Variants in SLC30A5 observed in about 807,000 individuals in gnomAD.
SLC30A5 encodes the protein solute carrier family 30 member 5, also known as proton-coupled zinc antiporter SLC30A5.
A neutral mutation model predicts 79.6 loss-of-function variants in SLC30A5; 33 were observed. The ratio of observed to expected loss-of-function variants is 0.41; its 90% CI spans 0.31 to 0.55. SLC30A5 has a LOEUF of 0.55. Among genes scored for constraint, SLC30A5 ranks in the 20% least tolerant of loss-of-function variants. SLC30A5 has a pLI of 0.20. For synonymous variants in SLC30A5, 299 were observed against 319.7 expected (o/e 0.94, Z 0.69); for missense variants, 788 against 928.1 (o/e 0.85, Z 1.96).
intron 6 of SLC30A5, among the ~76,000 whole-genome samples, chr5:69,114,038 C>G (rs1243670721): frequency 6.6e-6 from 1 of 152,148 alleles, no homozygotes; most frequent in East Asian, 1.9e-4. Flanking sequence ...TAAAGGGCAA[C>G]CTTAATTCCA....
Position 69,121,844 on chromosome 5 carries a change from C to T in SLC30A5, c.1720C>T (p.His574Tyr). 1.2e-6 allele frequency: 2 copies of T among 1,613,758 alleles called. No homozygotes were observed. The highest frequency in any genetic ancestry group is 1.1e-5 in the South Asian group (1 of 91,008). ...TATGCATGGACACAGTGACCATGGG[C>T]ATGGTCACAGCCACGGATCTGCGGG... ...HHMHGHSDHG[H>Y]GHSHGSAGGG... Residue 574 changes from histidine (H) to tyrosine (Y), a missense_variant, in exon 13 of 16, where the codon CAT becomes TAT. Transcript: ENST00000396591.
intron 2 of SLC30A5, among the ~76,000 whole-genome samples, chr5:69,102,050 C>CTT (rs758327246): frequency 0.014 from 1,360 of 99,366 alleles, 6 homozygotes; most frequent in Non-Finnish European, 0.017. Context: ...CAGTGACGTG[C>CTT]TTTTTTTTTT....
chr5:69,121,428 C>A (rs752797216), intron 12 of SLC30A5, among the ~76,000 whole-genome samples: 5 of 151,980 alleles, frequency 3.3e-5, no homozygotes, highest in Non-Finnish European at 5.9e-5. Context: ...AACCATAAAC[C>A]AAGTACATAC....
Position 69,116,743 on chromosome 5 carries a change from G to A in SLC30A5, c.1281+141G>A, listed in dbSNP as rs1287070462. ...AAATTTTTTCTAAGTATAATAGCAA[G>A]ATTACGAGATCATATTCAGATTCCT... On this transcript the variant is annotated intron_variant, in intron 10 of 15. Coordinates refer to ENST00000396591, the MANE Select transcript of SLC30A5 (RefSeq NM_022902.5). This position sits in a 1 kb window ranked among gnomAD's most constrained non-coding sequence, Gnocchi z 4.0. The A allele has an allele frequency of 3.6e-6, 2 of 562,200 alleles. No individual in the cohort carries two copies. Among genetic ancestry groups the A allele is most frequent in the Non-Finnish European group, 5.8e-6 (2 of 342,626 alleles). The allele number at this position is 562,200 out of a possible 1,614,324, so 34.8% of individuals were successfully genotyped here.
intron 12 of SLC30A5, 22 bp downstream of exon 12, chr5:69,118,650 T>C: frequency 6.4e-7 from 1 of 1,553,438 alleles, no homozygotes; most frequent in Non-Finnish European, 8.7e-7. Flanking sequence ...TATTTTCCTA[T>C]TTGGATTTCT....
Position 69,129,530 on chromosome 5 carries a change from C to A in SLC30A5, c.2211C>A (p.Gly737=). The change falls in exon 16 of 16, where the codon GGC becomes GGA. Residue 737 remains glycine, a synonymous_variant. Coordinates refer to ENST00000396591, the MANE Select transcript of SLC30A5 (RefSeq NM_022902.5). The part of the protein sequence containing the change: ...EKEAYFQHMS[G]LSTGFHDVLA... ...AGGCATACTTTCAACATATGTCTGGCCTAAGTACTGGATTTCATGATGTTC... is the reference window on the plus strand; with the variant it reads ...AGGCATACTTTCAACATATGTCTGGACTAAGTACTGGATTTCATGATGTTC... 6.2e-7 allele frequency: 1 copy of A among 1,613,442 alleles called. No homozygotes were observed. Among genetic ancestry groups the A allele is most frequent in the Non-Finnish European group, 8.5e-7 (1 of 1,179,700 alleles).
rs1396014851 is a variant in SLC30A5, at chr5:69,103,050, C to A, written c.207-12C>A. On this transcript the variant is annotated splice_polypyrimidine_tract_variant and intron_variant, in intron 2 of 15. Coordinates refer to ENST00000396591, the MANE Select transcript of SLC30A5 (RefSeq NM_022902.5). ...GATTAATATTAATATATTAATGTTT[C>A]AATATTTACAGGACTGCATTTTTTA... 4.4e-6 allele frequency: 6 copies of A among 1,374,518 alleles called. No individual in the cohort carries two copies. The highest frequency in any genetic ancestry group is 3.7e-5 in the South Asian group (3 of 80,044). 85.1% of individuals were successfully genotyped at this position (1,374,518 alleles called of 1,614,324 possible). A position where few individuals can be genotyped will look rare whatever the true frequency, so the allele number is the denominator to read the frequency against.
intron 14 of SLC30A5, among the ~76,000 whole-genome samples, chr5:69,127,694 T>C (rs1219174966): frequency 6.6e-6 from 1 of 152,026 alleles, no homozygotes; most frequent in East Asian, 1.9e-4. Flanking sequence ...TTTGCCTTCC[T>C]ACTCAGAGCT....
At chr5:69,096,767 GC>G (rs1745742182) in intron 1 of SLC30A5, among the ~76,000 whole-genome samples, 1 of 151,976 alleles carries the variant, frequency 6.6e-6, no homozygotes, top group African/African-American at 2.4e-5. Flanking sequence ...TTTGAGACCA[GC>G]CCTAGTAACA....
chr5:69,094,321 G>A lies in SLC30A5; in HGVS notation c.66G>A (p.Val22=). 1.6e-6 allele frequency: 2 copies of A among 1,253,168 alleles called. No individual in the cohort carries two copies. The highest frequency in any genetic ancestry group is 2.2e-4 in the Middle Eastern group (1 of 4,610). The allele number at this position is 1,253,168 out of a possible 1,614,324, so 77.6% of individuals were successfully genotyped here. The stretch of plus-strand genomic sequence containing the variant: ...GCGGCGGCGGCGGCCTTGGGCCGGT[G>A]GACGTACCCAGCGCTCGGTAAGGGA... ...GPGGGGGLGP[V]DVPSARLTKY... is the part of the protein sequence containing the mutation. Residue 22 remains valine (V), a synonymous_variant, in exon 1 of 16, where the codon GTG becomes GTA. Coordinates refer to ENST00000396591, the MANE Select transcript of SLC30A5 (RefSeq NM_022902.5).
chr5:69,104,827 A>G lies in SLC30A5; in HGVS notation c.359+111A>G, dbSNP rs1242888429. ...ATTTATCTGTACAAATGTGTCTAGC[A>G]CTTTTATAGCATCAGAGAGAATTCA... On this transcript the variant is annotated intron_variant, in intron 4 of 15. Transcript: ENST00000396591. 4 of 1,081,200 alleles carry G rather than the reference A, an allele frequency of 3.7e-6. No individual in the cohort carries two copies. The African/African-American group carries it at 4.9e-5, about 13-fold the overall frequency. The allele number at this position is 1,081,200 out of a possible 1,614,324, so 67.0% of individuals were successfully genotyped here. A position where few individuals can be genotyped will look rare whatever the true frequency, so the allele number is the denominator to read the frequency against.
chr5:69,100,724 TG>T, intron 1 of SLC30A5, 82 bp from the exon 2 acceptor site: 1 of 1,193,584 alleles, frequency 8.4e-7, no homozygotes, highest in Non-Finnish European at 1.2e-6. Flanking sequence ...GTTTCTGTAA[TG>T]ACCTCTTGTT....
chr5:69,111,494 CAG>C (rs1746232061), intron 5 of SLC30A5, among the ~76,000 whole-genome samples: 1 of 151,572 alleles, frequency 6.6e-6, no homozygotes, highest in Non-Finnish European at 1.5e-5. Flanking sequence ...TTAGTAGAGA[CAG>C]GGTTTCACCA....
At chr5:69,123,470 AT>A (rs761731397) in intron 14 of SLC30A5, 45 bp downstream of exon 14, 10 of 1,465,234 alleles carry the variant, frequency 6.8e-6, no homozygotes, top group Non-Finnish European at 9.5e-6. Context: ...TGAAAATCAC[AT>A]TTTTGAAGTC....
At chr5:69,117,217 T>C (rs1474182549) in intron 10 of SLC30A5, 22 bp from the exon 11 acceptor site, 3 of 1,461,084 alleles carry the variant, frequency 2.1e-6, no homozygotes, top group Non-Finnish European at 2.7e-6. Flanking sequence ...ACTCCTCCCT[T>C]TTTTTTTGGT....
chr5:69,118,801 CTTTTTTT>C lies in SLC30A5; in HGVS notation c.1569+188_1569+194del, dbSNP rs35781175. Among the ~76,000 whole-genome samples the C allele has an allele frequency of 4.1e-5, 4 of 97,304 alleles. No homozygotes were observed. The East Asian group carries it at 9.9e-4, about 24-fold the overall frequency. The allele number at this position is 97,304 out of a possible 152,430, so 63.8% of individuals were successfully genotyped here. ...TATACTGCTCCCTCTTAGAAATTCT[CTTTTTTT>C]TTTTTTTTTTTTTTGAGACAGAGTC... On this transcript the variant is annotated intron_variant, in intron 12 of 15. Transcript: ENST00000396591.
In SLC30A5 at chr5:69,128,096, G is replaced by T; in HGVS notation, c.2091G>T (p.Val697=). The part of the protein sequence containing the change: ...SIVAGTIHIQ[V]TSDVLEQRIV... Reference sequence around the variant, plus strand: ...TGGCAGGAACAATTCATATACAGGTGACATCTGATGTGCTAGAACAAAGAA... The same window carrying T: ...TGGCAGGAACAATTCATATACAGGTTACATCTGATGTGCTAGAACAAAGAA... Residue 697 remains valine, a synonymous_variant, in exon 15 of 16, where the codon GTG becomes GTT. Coordinates refer to ENST00000396591, the MANE Select transcript of SLC30A5 (RefSeq NM_022902.5). 1 of 1,612,064 alleles carries T rather than the reference G, an allele frequency of 6.2e-7. No homozygotes were observed. Among genetic ancestry groups the T allele is most frequent in the South Asian group, 1.1e-5 (1 of 90,894 alleles).
intron 11 of SLC30A5, 71 bp downstream of exon 11, chr5:69,117,467 C>T: frequency 1.6e-6 from 2 of 1,234,136 alleles, no homozygotes; most frequent in Non-Finnish European, 2.3e-6. Context: ...AATTATATTA[C>T]TTATATTACT....
intron 12 of SLC30A5, among the ~76,000 whole-genome samples, chr5:69,119,786 G>A (rs551120421): frequency 9.2e-5 from 14 of 152,104 alleles, no homozygotes; most frequent in Admixed American, 2.0e-4. Context: ...TTGGGAGGCC[G>A]AGGTGGTTGG....
Sources: allele counts gnomAD v4.1 joint callset (sites outside exome capture counted in the v4.1 genomes callset), GRCh38; gene constraint gnomAD v4.1.1; non-coding constraint Gnocchi (gnomAD v3.1); transcripts MANE v1.5; gene names NCBI Gene and HGNC (gene_info 2026-07-23, HGNC 2026-07-21).